Variants in SNX14 observed in about 807,000 individuals in gnomAD.
The protein encoded by SNX14 is sorting nexin-14.
Under a neutral mutation model 133.8 loss-of-function variants are expected in SNX14, and 93 were observed. That is an observed-to-expected ratio of 0.70 (90% CI 0.59 to 0.83). The LOEUF (loss-of-function observed/expected upper bound fraction) is 0.83. Among genes scored for constraint, SNX14 ranks in the 40% least tolerant of loss-of-function variants. The pLI is 0.00. For missense variants in SNX14, 945 were observed against 1,094.9 expected (o/e 0.86, Z 1.93); for synonymous variants, 368 against 365.6 (o/e 1.01, Z -0.07).
At chr6:85,550,408 T>C (rs904239119) in intron 7 of SNX14, among the ~76,000 whole-genome samples, 5 of 152,194 alleles carry the variant, frequency 3.3e-5, no homozygotes, top group Non-Finnish European at 7.4e-5. Context: ...CTTTTACAAC[T>C]TCTAGCACAC....
chr6:85,574,413 A>C lies in SNX14; in HGVS notation c.141-35T>G, dbSNP rs1268528681. On this transcript the variant is annotated intron_variant, in intron 1 of 28. Coordinates refer to ENST00000314673, the MANE Select transcript of SNX14 (RefSeq NM_153816.6). Reference sequence around the variant, plus strand: ...AAATGAAAATAATTATTACAACCAAAGAAAATGCCTAATTCTAAGTTACCG... The same window carrying C: ...AAATGAAAATAATTATTACAACCAACGAAAATGCCTAATTCTAAGTTACCG... The C allele has an allele frequency of 9.7e-6, 14 of 1,446,354 alleles. No individual in the cohort carries two copies. In the Middle Eastern group the frequency reaches 1.3e-3, roughly 135 times the overall value. 89.6% of individuals were successfully genotyped at this position (1,446,354 alleles called of 1,614,324 possible). A position where few individuals can be genotyped will look rare whatever the true frequency, so the allele number is the denominator to read the frequency against.
chr6:85,526,258 G>C (rs767969468), intron 20 of SNX14, 21 bp from the exon 21 acceptor site: 3 of 1,473,306 alleles, frequency 2.0e-6, no homozygotes, highest in African/African-American at 1.4e-5. Flanking sequence ...CAAAAAAAAC[G>C]GAAAACACAG....
At chr6:85,513,998 T>G in intron 25 of SNX14, 72 bp downstream of exon 25, 1 of 1,562,618 alleles carries the variant, frequency 6.4e-7, no homozygotes, top group South Asian at 1.2e-5. Flanking sequence ...AAACAAGATT[T>G]CTTCCTCTTT....
intron 1 of SNX14, among the ~76,000 whole-genome samples, chr6:85,590,484 A>T (rs1802445408): frequency 6.6e-6 from 1 of 152,226 alleles, no homozygotes; most frequent in Non-Finnish European, 1.5e-5. Context: ...TCAGGAAGAT[A>T]TATTTAATAC....
At chr6:85,579,359 A>G (rs1798348397) in intron 1 of SNX14, among the ~76,000 whole-genome samples, 1 of 152,220 alleles carries the variant, frequency 6.6e-6, no homozygotes, top group African/African-American at 2.4e-5. Context: ...GCAGAACAAG[A>G]TAGCCAAATA....
At chr6:85,516,612 T>C (rs1775082364) in intron 23 of SNX14, among the ~76,000 whole-genome samples, 1 of 150,276 alleles carries the variant, frequency 6.7e-6, no homozygotes, top group Admixed American at 6.6e-5. Flanking sequence ...CCCATAAACA[T>C]GAATGTAAAC....
chr6:85,591,410 G>A (rs1802717621), intron 1 of SNX14, among the ~76,000 whole-genome samples: 1 of 152,122 alleles, frequency 6.6e-6, no homozygotes. Flanking sequence ...GACTACAGCA[G>A]TAACAAATGG....
chr6:85,565,111 T>A (rs200210801), intron 6 of SNX14, among the ~76,000 whole-genome samples: 7 of 151,458 alleles, frequency 4.6e-5, no homozygotes, highest in Non-Finnish European at 7.4e-5. Flanking sequence ...TAAAAGTAAC[T>A]GAGTATATTT....
At chr6:85,530,785 T>C (rs1780037301) in intron 18 of SNX14, among the ~76,000 whole-genome samples, 1 of 152,224 alleles carries the variant, frequency 6.6e-6, no homozygotes, top group Non-Finnish European at 1.5e-5. Flanking sequence ...CTGATAAATT[T>C]CATCTATTTA....
chr6:85,555,288 T>G (rs959608204), intron 7 of SNX14, among the ~76,000 whole-genome samples: 1 of 152,196 alleles, frequency 6.6e-6, no homozygotes, highest in Non-Finnish European at 1.5e-5. Context: ...AACCTACAAA[T>G]GCTTATAACA....
chr6:85,592,881 G>GCGGGCGC (rs1173849624), intron 1 of SNX14, among the ~76,000 whole-genome samples: 1 of 151,986 alleles, frequency 6.6e-6, no homozygotes, highest in African/African-American at 2.4e-5. Flanking sequence ...TGGCGTGGTG[G>GCGGGCGC]CGGGCGCCTG....
At position 85,533,653 on chromosome 6, in the gene SNX14, T is replaced by G. The variant is rs766424737; in HGVS notation, c.1756A>C (p.Lys586Gln). The change falls in exon 18 of 29, where the codon AAA becomes CAA. Residue 586 changes from lysine to glutamine, a missense_variant. Transcript: ENST00000314673. ...ATACAAAACACAGGAATTCTTTCTT[T>G]TTTCTCCTTCCTTTCAGAGGAGGGA... is the stretch of plus-strand genomic sequence containing the variant. ...EDPSSERKEK[K>Q]ERIPVFCIDV... The G allele has an allele frequency of 6.2e-7, 1 of 1,613,820 alleles. No homozygotes were observed. Among genetic ancestry groups the G allele is most frequent in the Non-Finnish European group, 8.5e-7 (1 of 1,180,016 alleles).
chr6:85,551,316 C>G (rs762138099), intron 7 of SNX14, among the ~76,000 whole-genome samples: 6 of 152,156 alleles, frequency 3.9e-5, no homozygotes, highest in Non-Finnish European at 7.4e-5. Flanking sequence ...CAAGCAAAAC[C>G]AGTTCCTGCT....
chr6:85,567,290 C>CA (rs1794190418), intron 5 of SNX14, among the ~76,000 whole-genome samples: 1 of 152,172 alleles, frequency 6.6e-6, no homozygotes, highest in South Asian at 2.1e-4. Flanking sequence ...CCTCTGAAGA[C>CA]ATTTTTATTG....
At chr6:85,550,929 G>A (rs189589719) in intron 7 of SNX14, among the ~76,000 whole-genome samples, 2 of 151,718 alleles carry the variant, frequency 1.3e-5, no homozygotes, top group East Asian at 1.9e-4. Flanking sequence ...TACAGGCACC[G>A]GCCACCACCT....
At chr6:85,511,234 G>A (rs1048445348) in intron 26 of SNX14, among the ~76,000 whole-genome samples, 1 of 152,012 alleles carries the variant, frequency 6.6e-6, no homozygotes, top group South Asian at 2.1e-4. Context: ...TGATATACAC[G>A]AAAAGTAACT....
intron 15 of SNX14, among the ~76,000 whole-genome samples, chr6:85,539,841 T>C (rs1185072304): frequency 2.0e-5 from 3 of 151,992 alleles, no homozygotes; most frequent in Non-Finnish European, 4.4e-5. Flanking sequence ...AGTACCTTAA[T>C]ATGCTGAAAA....
chr6:85,555,887 C>G (rs1789574170), intron 7 of SNX14, among the ~76,000 whole-genome samples: 1 of 151,878 alleles, frequency 6.6e-6, no homozygotes, highest in Admixed American at 6.6e-5. Flanking sequence ...ACTCGGGAGG[C>G]TGAGGCAGGA....
At chr6:85,582,657 G>A (rs1258990143) in intron 1 of SNX14, among the ~76,000 whole-genome samples, 2 of 152,104 alleles carry the variant, frequency 1.3e-5, no homozygotes, top group African/African-American at 4.8e-5. Flanking sequence ...CACATCTACT[G>A]AAATAAACTA....
Sources: gnomAD v4.1 joint callset for allele counts (sites outside exome capture counted in the v4.1 genomes callset) on GRCh38, gnomAD v4.1.1 for gene constraint, MANE v1.5 for transcripts, NCBI Gene and HGNC (gene_info 2026-07-23, HGNC 2026-07-21) for gene names.